Variants in COBL observed in about 807,000 individuals in gnomAD.
COBL encodes protein cordon-bleu.
Under a neutral mutation model 98.8 loss-of-function variants are expected in COBL, and 51 were observed. The observed-to-expected ratio is 0.52, with a 90% CI of 0.41 to 0.65. The LOEUF is 0.65. COBL is among the 30% of genes least tolerant of loss of function. The pLI is 0.00. For synonymous variants in COBL, 634 were observed against 651.7 expected (o/e 0.97, Z 0.41); for missense variants, 1,617 against 1,617.5 (o/e 1.00, Z 0.01).
intron 7 of COBL, among the ~76,000 whole-genome samples, chr7:51,058,424 G>A (rs1313242117): frequency 2.6e-5 from 4 of 152,098 alleles, no homozygotes; most frequent in Non-Finnish European, 4.4e-5. Flanking sequence ...ATGGTAGAGC[G>A]TTCTTGTAGT....
chr7:51,157,671 C>CT (rs1786319990), intron 5 of COBL, among the ~76,000 whole-genome samples: 1 of 152,106 alleles, frequency 6.6e-6, no homozygotes, highest in South Asian at 2.1e-4. Context: ...TTCTTATTCT[C>CT]TAAGTCAAAA....
intron 1 of COBL, among the ~76,000 whole-genome samples, chr7:51,305,630 T>C (rs1225502614): frequency 2.0e-5 from 3 of 152,230 alleles, no homozygotes; most frequent in South Asian, 2.1e-4. Flanking sequence ...AAACAAAAAA[T>C]AGATTGAGGG....
chr7:51,095,509 C>A (rs192024961), intron 6 of COBL, among the ~76,000 whole-genome samples: 1 of 152,218 alleles, frequency 6.6e-6, no homozygotes, highest in East Asian at 1.9e-4. Flanking sequence ...AAAATAGTAA[C>A]AAGTCCTTCT....
chr7:51,039,588 G>A (rs1192384653), intron 8 of COBL, among the ~76,000 whole-genome samples: 7 of 152,214 alleles, frequency 4.6e-5, no homozygotes, highest in African/African-American at 4.8e-5. Context: ...TTCTCTCTAC[G>A]TTCCCAACCT....
intron 7 of COBL, among the ~76,000 whole-genome samples, chr7:51,049,143 T>A (rs1157181293): frequency 6.6e-6 from 1 of 152,236 alleles, no homozygotes; most frequent in African/African-American, 2.4e-5. Flanking sequence ...AGATCCTTTG[T>A]CAATTTGGTT....
At chr7:51,179,119 G>C (rs1222158295) in intron 5 of COBL, among the ~76,000 whole-genome samples, 1 of 152,168 alleles carries the variant, frequency 6.6e-6, no homozygotes, top group Non-Finnish European at 1.5e-5. Context: ...AGGGCTCCTG[G>C]AAATCCAAAC....
chr7:51,048,072 C>CAG (rs1789890275), intron 7 of COBL, among the ~76,000 whole-genome samples: 1 of 152,098 alleles, frequency 6.6e-6, no homozygotes, highest in South Asian at 2.1e-4. Context: ...GAAGTTGAGG[C>CAG]AGAGAATTGC....
intron 7 of COBL, among the ~76,000 whole-genome samples, chr7:51,048,403 A>T (rs1207861811): frequency 1.3e-5 from 2 of 152,206 alleles, no homozygotes; most frequent in Non-Finnish European, 2.9e-5. Context: ...CAACTAAATT[A>T]ATTGTAAATT....
rs1013657189 is a variant in COBL at position 51,136,048 on chromosome 7, G to A, written c.957+110C>T. ...TTAAATACTTGCCCCCAACACTCCA[G>A]TCGCTACAGCCACAAACATGAAGGA... On this transcript the variant is annotated intron_variant, in intron 6 of 12. Coordinates refer to ENST00000265136, the MANE Select transcript of COBL (RefSeq NM_015198.5). The A allele has an allele frequency of 2.9e-6, 4 of 1,371,576 alleles. No individual in the cohort carries two copies. In the African/African-American group the frequency reaches 5.8e-5, roughly 20 times the overall value. 85.0% of individuals were successfully genotyped at this position (1,371,576 alleles called of 1,614,324 possible).
intron 6 of COBL, among the ~76,000 whole-genome samples, chr7:51,118,286 C>A (rs1225587447): frequency 6.6e-6 from 1 of 152,036 alleles, no homozygotes; most frequent in Non-Finnish European, 1.5e-5. Context: ...GGTTGGGAGT[C>A]CAAGCATGGC....
At chr7:51,278,669 G>A (rs1398401629) in intron 1 of COBL, among the ~76,000 whole-genome samples, 4 of 152,068 alleles carry the variant, frequency 2.6e-5, no homozygotes, top group Admixed American at 6.6e-5. Flanking sequence ...CGTGAGCCAC[G>A]GCACCTGGCC....
At chr7:51,104,429 A>C (rs1382905651) in intron 6 of COBL, among the ~76,000 whole-genome samples, 3 of 152,222 alleles carry the variant, frequency 2.0e-5, no homozygotes, top group Non-Finnish European at 4.4e-5. Context: ...TGCAGGGCTT[A>C]GAGTCTGGTG....
chr7:51,209,006 C>A (rs1792119089), intron 2 of COBL, among the ~76,000 whole-genome samples: 1 of 146,190 alleles, frequency 6.8e-6, no homozygotes, highest in Admixed American at 6.9e-5. Context: ...TATGACCCTG[C>A]CAAATCCCCC....
intron 6 of COBL, among the ~76,000 whole-genome samples, chr7:51,130,499 A>G (rs1798641472): frequency 6.6e-6 from 1 of 152,232 alleles, no homozygotes; most frequent in African/African-American, 2.4e-5. Context: ...TGACCTCAAC[A>G]CCACAGCTCA....
Position 51,027,425 on chromosome 7 carries a change from C to A in COBL, c.3384+287G>T, listed in dbSNP as rs562148032. On this transcript the variant is annotated intron_variant, in intron 10 of 12. Coordinates refer to ENST00000265136, the MANE Select transcript of COBL (RefSeq NM_015198.5). ...GCCCCTGGCCTCTCCATTCCTCTGG[C>A]CCTGTGGATGGACATCACTGGCTGT... Among the ~76,000 whole-genome samples the A allele has an allele frequency of 2.6e-5, 4 of 152,344 alleles. No individual in the cohort carries two copies. In the East Asian group the frequency reaches 7.7e-4, roughly 29 times the overall value.
At chr7:51,129,348 T>C (rs1324373966) in intron 6 of COBL, among the ~76,000 whole-genome samples, 1 of 151,748 alleles carries the variant, frequency 6.6e-6, no homozygotes, top group East Asian at 1.9e-4. Context: ...GGCTCTCTTT[T>C]ATAAGGACAC....
intron 5 of COBL, among the ~76,000 whole-genome samples, chr7:51,168,029 A>G (rs550101775): frequency 3.3e-5 from 5 of 152,182 alleles, no homozygotes; most frequent in Admixed American, 1.3e-4. Context: ...AGTACCCCAC[A>G]AGTATAGGCA....
intron 1 of COBL, among the ~76,000 whole-genome samples, chr7:51,251,764 T>C (rs1177494476): frequency 2.0e-5 from 3 of 152,132 alleles, no homozygotes; most frequent in African/African-American, 7.2e-5. Context: ...CAACTGAAAT[T>C]TTCAAGCCTA....
chr7:51,101,161 T>C (rs370325729), intron 6 of COBL, among the ~76,000 whole-genome samples: 1 of 152,232 alleles, frequency 6.6e-6, no homozygotes, highest in Non-Finnish European at 1.5e-5. Flanking sequence ...TTCCCAGTCA[T>C]GGTGCTACTC....
Sources: gnomAD v4.1 joint callset for allele counts (sites outside exome capture counted in the v4.1 genomes callset) on GRCh38, gnomAD v4.1.1 for gene constraint, MANE v1.5 for transcripts, NCBI Gene and HGNC (gene_info 2026-07-23, HGNC 2026-07-21) for gene names.